Variants in CDK14 observed in about 807,000 individuals in gnomAD.
CDK14 encodes the protein cyclin-dependent kinase 14.
In CDK14, 34 loss-of-function variants were observed where a neutral mutation model predicts 60.7. That is an observed-to-expected ratio of 0.56 (90% confidence interval 0.43 to 0.75). The LOEUF (loss-of-function observed/expected upper bound fraction) is 0.75, where lower values mean the gene tolerates loss of function less well. CDK14 is among the 30% of genes least tolerant of loss of function. CDK14 has a pLI of 0.00. For missense variants in CDK14, 482 were observed against 564.1 expected (o/e 0.85, Z 1.47); for synonymous variants, 197 against 203.7 (o/e 0.97, Z 0.28).
intron 8 of CDK14, among the ~76,000 whole-genome samples, chr7:90,947,408 C>T (rs1179406681): frequency 6.6e-6 from 1 of 152,170 alleles, no homozygotes; most frequent in Non-Finnish European, 1.5e-5. Context: ...ATTTTCCCAG[C>T]CACTTACTAC....
In CDK14 at chr7:90,773,925, A is replaced by G. The variant is rs1306158952; in HGVS notation, c.465-16648A>G. Among the ~76,000 whole-genome samples the G allele has an allele frequency of 4.6e-5, 4 of 86,474 alleles. No individual in the cohort carries two copies. The East Asian group carries it at 1.6e-3, about 35-fold the overall frequency. 56.7% of individuals were successfully genotyped at this position (86,474 alleles called of 152,430 possible). On this transcript the variant is annotated intron_variant, in intron 4 of 14. Coordinates refer to ENST00000380050, the MANE Select transcript of CDK14 (RefSeq NM_001287135.2). ...TTTCTTTTTTTTTTTTTTTTTTGAG[A>G]TGGAGTCTTGCTCTGTTGCCCAGGT...
At chr7:91,064,874 G>C (rs979734554) in intron 11 of CDK14, among the ~76,000 whole-genome samples, 1 of 152,140 alleles carries the variant, frequency 6.6e-6, no homozygotes, top group East Asian at 1.9e-4. Context: ...TTTATGAATA[G>C]TATGCTTTAG....
intron 8 of CDK14, among the ~76,000 whole-genome samples, chr7:90,942,380 C>G (rs1303271588): frequency 6.6e-6 from 1 of 152,136 alleles, no homozygotes; most frequent in Non-Finnish European, 1.5e-5. Flanking sequence ...ATCAGAGGCA[C>G]AGTTGAATCT....
At chr7:91,139,963 A>G (rs749072109) in intron 14 of CDK14, among the ~76,000 whole-genome samples, 1 of 152,010 alleles carries the variant, frequency 6.6e-6, no homozygotes, top group Non-Finnish European at 1.5e-5. Context: ...AAACTCTGAG[A>G]CTTAGCACAC....
chr7:90,770,564 G>A (rs1450860865), intron 4 of CDK14, among the ~76,000 whole-genome samples: 1 of 152,174 alleles, frequency 6.6e-6, no homozygotes, highest in Non-Finnish European at 1.5e-5. Flanking sequence ...TGTCCAGCAA[G>A]ATCAAATATC....
intron 4 of CDK14, among the ~76,000 whole-genome samples, chr7:90,778,721 A>C (rs914835226): frequency 2.6e-5 from 4 of 151,866 alleles, no homozygotes; most frequent in African/African-American, 9.7e-5. Context: ...TTTGTTTAAC[A>C]CATCACATTC....
chr7:91,152,672 G>A (rs813379), intron 14 of CDK14, among the ~76,000 whole-genome samples: 144,608 of 152,294 alleles, frequency 0.95, 68,684 homozygotes, highest in East Asian at 0.99. Flanking sequence ...ACAGTGCTTA[G>A]GGAACTGACA....
chr7:90,974,311 T>C (rs534641499), intron 9 of CDK14, among the ~76,000 whole-genome samples: 2 of 152,260 alleles, frequency 1.3e-5, no homozygotes, highest in African/African-American at 4.8e-5. Flanking sequence ...ACACATGTTT[T>C]ACAAACAATT....
At chr7:90,635,995 A>G (rs921052303) in intron 2 of CDK14, among the ~76,000 whole-genome samples, 33 of 151,728 alleles carry the variant, frequency 2.2e-4, no homozygotes, top group Non-Finnish European at 3.7e-4. Context: ...GTATCCTGAG[A>G]CTTTGCTGAA....
chr7:90,725,341 A>G (rs1229812101), intron 2 of CDK14, among the ~76,000 whole-genome samples: 1 of 152,112 alleles, frequency 6.6e-6, no homozygotes, highest in African/African-American at 2.4e-5. Context: ...ACACTCACAA[A>G]TATCTATATC....
chr7:90,984,999 A>C (rs1018180715), intron 10 of CDK14, among the ~76,000 whole-genome samples: 5 of 152,194 alleles, frequency 3.3e-5, no homozygotes, highest in African/African-American at 9.7e-5. Flanking sequence ...ACTAGAAAGG[A>C]AAAACATTAT....
chr7:91,186,467 A>G (rs915050237), intron 14 of CDK14, among the ~76,000 whole-genome samples: 1 of 151,640 alleles, frequency 6.6e-6, no homozygotes, highest in Non-Finnish European at 1.5e-5. Context: ...CATCCCCACC[A>G]GCAACATACA....
At chr7:91,092,747 A>G (rs555597711) in intron 12 of CDK14, among the ~76,000 whole-genome samples, 1 of 152,336 alleles carries the variant, frequency 6.6e-6, no homozygotes, top group African/African-American at 2.4e-5. Context: ...ACTTGCAACT[A>G]GAAGGAGAAC....
intron 11 of CDK14, among the ~76,000 whole-genome samples, chr7:91,050,222 G>A (rs1797350988): frequency 6.6e-6 from 1 of 152,116 alleles, no homozygotes; most frequent in Non-Finnish European, 1.5e-5. Context: ...CACAGGAGCT[G>A]GTTTATGTTT....
intron 5 of CDK14, among the ~76,000 whole-genome samples, chr7:90,835,311 T>C (rs899651907): frequency 2.7e-5 from 4 of 150,776 alleles, no homozygotes; most frequent in Non-Finnish European, 5.9e-5. Context: ...AGGTGGGGAG[T>C]GGAGAACTTG....
At chr7:90,723,203 A>T (rs1314993830) in intron 2 of CDK14, among the ~76,000 whole-genome samples, 1 of 152,186 alleles carries the variant, frequency 6.6e-6, no homozygotes, top group Non-Finnish European at 1.5e-5. Flanking sequence ...TATTGAGATG[A>T]TCATATGATT....
chr7:91,061,782 C>T (rs763255577), intron 11 of CDK14, among the ~76,000 whole-genome samples: 3 of 152,278 alleles, frequency 2.0e-5, no homozygotes, highest in Non-Finnish European at 2.9e-5. Flanking sequence ...GAGGAGTACC[C>T]GGCCTTGTGA....
chr7:91,023,744 G>T (rs1796494517), intron 10 of CDK14, among the ~76,000 whole-genome samples: 1 of 152,012 alleles, frequency 6.6e-6, no homozygotes, highest in Non-Finnish European at 1.5e-5. Context: ...AAGGAAAGTG[G>T]TTTTTTGTTT....
intron 8 of CDK14, among the ~76,000 whole-genome samples, chr7:90,951,746 A>G (rs2117551159): frequency 6.6e-6 from 1 of 152,338 alleles, no homozygotes; most frequent in East Asian, 1.9e-4. Flanking sequence ...AACTTGAAAC[A>G]GTTACTAGTA....
Sources: allele counts gnomAD v4.1 joint callset (sites outside exome capture counted in the v4.1 genomes callset), GRCh38; gene constraint gnomAD v4.1.1; transcripts MANE v1.5; gene names NCBI Gene and HGNC (gene_info 2026-07-23, HGNC 2026-07-21).